Variants in CDHR1 observed in about 807,000 individuals in gnomAD.
CDHR1 encodes cadherin-related family member 1.
A neutral mutation model predicts 72.1 loss-of-function variants in CDHR1; 61 were observed. The observed-to-expected ratio is 0.85, with a 90% CI of 0.69 to 1.05. The LOEUF (loss-of-function observed/expected upper bound fraction) is 1.05. CDHR1 is among the 50% of genes least tolerant of loss of function. The pLI is 0.00. For missense variants in CDHR1, 1,186 were observed against 1,115.7 expected (o/e 1.06, Z -0.90); for synonymous variants, 470 against 448.1 (o/e 1.05, Z -0.62).
chr10:84,195,031 G>C (rs1842002952), intron 1 of CDHR1, among the ~76,000 whole-genome samples: 1 of 152,198 alleles, frequency 6.6e-6, no homozygotes, highest in African/African-American at 2.4e-5. Context: ...CTTCTCCAGA[G>C]CTGGCATCCT....
At position 84,214,692 on chromosome 10, in the gene CDHR1, C is replaced by G; in HGVS notation, c.*71C>G. 6.3e-6 allele frequency: 10 copies of G among 1,595,356 alleles called. No homozygotes were observed. Among genetic ancestry groups the G allele is most frequent in the Non-Finnish European group, 8.5e-6 (10 of 1,178,040 alleles). On this transcript the variant is annotated 3_prime_UTR_variant, in exon 17 of 17. Transcript: ENST00000623527. ...CCACCCTGCTGCTCGGACTATGCTC[C>G]CCTTCCTCTGCTCCTTAAGGTCACT...
At chr10:84,202,908 T>A in intron 7 of CDHR1, 72 bp from the exon 8 acceptor site, 1 of 1,591,116 alleles carries the variant, frequency 6.3e-7, no homozygotes, top group Non-Finnish European at 8.6e-7. Flanking sequence ...AGAAGCCAGG[T>A]TTTCACGGAT....
intron 6 of CDHR1, 92 bp downstream of exon 6, chr10:84,200,779 G>A: frequency 2.4e-6 from 2 of 841,646 alleles, no homozygotes; most frequent in Non-Finnish European, 4.0e-6. Context: ...CCTTAGGTCG[G>A]TGCCTCTATG....
intron 4 of CDHR1, among the ~76,000 whole-genome samples, 193 bp downstream of exon 4, chr10:84,198,029 A>G (rs1842058900): frequency 6.6e-6 from 1 of 152,176 alleles, no homozygotes; most frequent in Non-Finnish European, 1.5e-5. Context: ...GAAAAGAAGG[A>G]ATGGAGAGAT....
chr10:84,213,673 A>G (rs1021070315), intron 16 of CDHR1, among the ~76,000 whole-genome samples: 9 of 152,068 alleles, frequency 5.9e-5, no homozygotes, highest in Admixed American at 5.2e-4. Flanking sequence ...CTGGCAGAAA[A>G]CTAGTCACTT....
rs755596962 is a variant in CDHR1, at chr10:84,195,509, C to T, written c.71C>T (p.Ala24Val). ...CTTTTTCCAGCTCAGGCCAACTTCG[C>T]CCCGCACTTCTTCGACAACGGGGTC... Reference protein sequence around the residue: ...LRLCLAQANFAPHFFDNGVGS... With the variant: ...LRLCLAQANFVPHFFDNGVGS... The change falls in exon 2 of 17, where the codon GCC becomes GTC. Residue 24 changes from alanine to valine, a missense_variant. Coordinates refer to ENST00000623527, the MANE Select transcript of CDHR1 (RefSeq NM_033100.4). The T allele has an allele frequency of 1.9e-6, 3 of 1,614,100 alleles. No homozygotes were observed. Among genetic ancestry groups the T allele is most frequent in the East Asian group, 2.2e-5 (1 of 44,872 alleles).
intron 9 of CDHR1, 58 bp downstream of exon 9, chr10:84,204,663 G>T: frequency 1.7e-6 from 2 of 1,179,544 alleles, no homozygotes; most frequent in Non-Finnish European, 2.6e-6. Flanking sequence ...CCAGAGCAAG[G>T]TTCCTCAACC....
intron 7 of CDHR1, among the ~76,000 whole-genome samples, chr10:84,202,433 A>T (rs1842144467): frequency 6.6e-6 from 1 of 152,218 alleles, no homozygotes; most frequent in Non-Finnish European, 1.5e-5. Flanking sequence ...AAACCCTAGC[A>T]GCCCCTCTAG....
chr10:84,205,191 G>A (rs1476334101), intron 9 of CDHR1, among the ~76,000 whole-genome samples: 2 of 152,138 alleles, frequency 1.3e-5, no homozygotes, highest in Non-Finnish European at 1.5e-5. Context: ...CCAGGGCATC[G>A]CATCTGGTGC....
rs1842189452 is a variant in CDHR1, at chr10:84,204,535, G to A, written c.792G>A (p.Glu264=). The change falls in exon 9 of 17, where the codon GAG becomes GAA. Residue 264 remains glutamate (E), a synonymous_variant. Transcript: ENST00000623527. Reference sequence around the variant, plus strand: ...GTTCCTGTTTCCCCGAGGGCTCGGAGGTACTGAAGGTGGTCGCCATGGATG... The same window carrying A: ...GTTCCTGTTTCCCCGAGGGCTCGGAAGTACTGAAGGTGGTCGCCATGGATG... ...YVYEDTLPGS[E]VLKVVAMDGD... The A allele has an allele frequency of 1.2e-6, 2 of 1,612,616 alleles. No homozygotes were observed. Among genetic ancestry groups the A allele is most frequent in the Non-Finnish European group, 1.7e-6 (2 of 1,178,626 alleles).
Position 84,218,604 on chromosome 10 carries a change from C to T in CDHR1, c.*3983C>T. 1 of 985,562 alleles carries T rather than the reference C, an allele frequency of 1.0e-6. No homozygotes were observed. The highest frequency in any genetic ancestry group is 1.7e-5 in the African/African-American group (1 of 57,370). The allele number at this position is 985,562 out of a possible 1,614,324, so 61.1% of individuals were successfully genotyped here. On this transcript the variant is annotated 3_prime_UTR_variant, in exon 17 of 17. Transcript: ENST00000623527. The stretch of plus-strand genomic sequence containing the variant: ...TTCATTTTAAAAGCAAGTAGCCCTG[C>T]TTACAAATGTCTCCTCAATCAAAGG...
At position 84,214,949 on chromosome 10, in the gene CDHR1, A is replaced by G. The variant is rs1453577180; in HGVS notation, c.*328A>G. On this transcript the variant is annotated 3_prime_UTR_variant, in exon 17 of 17. Coordinates refer to ENST00000623527, the MANE Select transcript of CDHR1 (RefSeq NM_033100.4). ...GACGAGAAGCCAGCTCACCCATCCC[A>G]GACCTCACAGTCCCTCAGGTTCTAC... is the stretch of plus-strand genomic sequence containing the variant. The G allele has an allele frequency of 4.7e-6, 6 of 1,266,634 alleles. No individual in the cohort carries two copies. Among genetic ancestry groups the G allele is most frequent in the Non-Finnish European group, 6.0e-6 (6 of 996,284 alleles). 78.5% of individuals were successfully genotyped at this position (1,266,634 alleles called of 1,614,324 possible). A position where few individuals can be genotyped will look rare whatever the true frequency, so the allele number is the denominator to read the frequency against.
chr10:84,208,333 G>A lies in CDHR1; in HGVS notation c.1123G>A (p.Glu375Lys), dbSNP rs753882385. Residue 375 changes from glutamate (E) to lysine (K), a missense_variant, in exon 11 of 17, where the codon GAG becomes AAG. Transcript: ENST00000623527. ...LSMNEHPPQG[E>K]ILRGLKITVN... is the part of the protein sequence containing the mutation. ...CATGAATGAGCACCCACCCCAGGGAGAGATCCTGCGGGGCCTCAAGATCAC... is the reference window on the plus strand; with the variant it reads ...CATGAATGAGCACCCACCCCAGGGAAAGATCCTGCGGGGCCTCAAGATCAC... 2.5e-6 allele frequency: 4 copies of A among 1,614,178 alleles called. No homozygotes were observed. In the South Asian group the frequency reaches 3.3e-5, roughly 13 times the overall value.
chr10:84,212,066 C>T, intron 14 of CDHR1, 113 bp from the exon 15 acceptor site: 2 of 929,636 alleles, frequency 2.2e-6, no homozygotes, highest in East Asian at 2.5e-5. Flanking sequence ...TTTGGAGGAG[C>T]TGCATGACAC....
At position 84,215,653 on chromosome 10, in the gene CDHR1, G is replaced by A. The variant is rs868665149; in HGVS notation, c.*1032G>A. ...GAGGATTGAAGAAAATAGTGGTGAT[G>A]AGGGCTTTAACCAAGTGCAAAGCGG... On this transcript the variant is annotated 3_prime_UTR_variant, in exon 17 of 17. Coordinates refer to ENST00000623527, the MANE Select transcript of CDHR1 (RefSeq NM_033100.4). The A allele has an allele frequency of 4.2e-5, 41 of 980,548 alleles. No individual in the cohort carries two copies. In the South Asian group the frequency reaches 1.0e-3, roughly 25 times the overall value. 60.7% of individuals were successfully genotyped at this position (980,548 alleles called of 1,614,324 possible). A position where few individuals can be genotyped will look rare whatever the true frequency, so the allele number is the denominator to read the frequency against.
Position 84,216,736 on chromosome 10 carries a change from G to A in CDHR1, c.*2115G>A, listed in dbSNP as rs780835145. Reference sequence around the variant, plus strand: ...GAACAGCAGGACATTTGCAGGCCTTGTCTACTGGACTTTTCTCCCAAACAG... The same window carrying A: ...GAACAGCAGGACATTTGCAGGCCTTATCTACTGGACTTTTCTCCCAAACAG... On this transcript the variant is annotated 3_prime_UTR_variant, in exon 17 of 17. Transcript: ENST00000623527. 1.8e-5 allele frequency: 18 copies of A among 985,390 alleles called. No individual in the cohort carries two copies. Among genetic ancestry groups the A allele is most frequent in the Non-Finnish European group, 2.2e-5 (18 of 829,964 alleles). 61.0% of individuals were successfully genotyped at this position (985,390 alleles called of 1,614,324 possible).
chr10:84,199,666 A>C (rs1842088369), intron 5 of CDHR1, among the ~76,000 whole-genome samples: 2 of 152,212 alleles, frequency 1.3e-5, no homozygotes, highest in Non-Finnish European at 2.9e-5. Flanking sequence ...ATCATGAGAC[A>C]CATCAACTTC....
Position 84,214,865 on chromosome 10 carries a change from C to T in CDHR1, c.*244C>T. On this transcript the variant is annotated 3_prime_UTR_variant, in exon 17 of 17. Transcript: ENST00000623527. ...CTAGGATGCAATTGGCAAATACGTC[C>T]CCGTTACTCAAATCCTTGGCACTAC... The T allele has an allele frequency of 4.8e-6, 7 of 1,445,840 alleles. No individual in the cohort carries two copies. The highest frequency in any genetic ancestry group is 6.3e-6 in the Non-Finnish European group (7 of 1,107,538). The allele number at this position is 1,445,840 out of a possible 1,614,324, so 89.6% of individuals were successfully genotyped here. A position where few individuals can be genotyped will look rare whatever the true frequency, so the allele number is the denominator to read the frequency against.
chr10:84,214,967 G>A lies in CDHR1; in HGVS notation c.*346G>A, dbSNP rs1842404443. Reference sequence around the variant, plus strand: ...CCATCCCAGACCTCACAGTCCCTCAGGTTCTACTGGGATCTCATCATCATC... The same window carrying A: ...CCATCCCAGACCTCACAGTCCCTCAAGTTCTACTGGGATCTCATCATCATC... On this transcript the variant is annotated 3_prime_UTR_variant, in exon 17 of 17. Coordinates refer to ENST00000623527, the MANE Select transcript of CDHR1 (RefSeq NM_033100.4). The A allele has an allele frequency of 1.6e-6, 2 of 1,222,168 alleles. No homozygotes were observed. Among genetic ancestry groups the A allele is most frequent in the Non-Finnish European group, 2.1e-6 (2 of 969,380 alleles). 75.7% of individuals were successfully genotyped at this position (1,222,168 alleles called of 1,614,324 possible).
Sources: gnomAD v4.1 joint callset for allele counts (sites outside exome capture counted in the v4.1 genomes callset) on GRCh38, gnomAD v4.1.1 for gene constraint, MANE v1.5 for transcripts, NCBI Gene and HGNC (gene_info 2026-07-23, HGNC 2026-07-21) for gene names.